EMSY: variants seen among roughly 807,000 people sequenced by gnomAD.
EMSY encodes EMSY transcriptional repressor, BRCA2 interacting.
A neutral mutation model predicts 134.6 loss-of-function variants in EMSY; 26 were observed. The ratio of observed to expected loss-of-function variants is 0.19; its 90% CI spans 0.14 to 0.27. EMSY has a LOEUF of 0.27. Ranked by LOEUF, EMSY falls within the 10% of genes least tolerant of loss-of-function variation. The pLI is 1.00. For missense variants in EMSY, 1,305 were observed against 1,611.4 expected (o/e 0.81, Z 3.26); for synonymous variants, 579 against 577.8 (o/e 1.00, Z -0.03).
chr11:76,470,019 T>C (rs1326737580), intron 7 of EMSY, among the ~76,000 whole-genome samples: 1 of 152,216 alleles, frequency 6.6e-6, no homozygotes, highest in African/African-American at 2.4e-5. Context: ...CAAGTACTTA[T>C]ATCTTGTAAT....
chr11:76,453,500 C>G, intron 4 of EMSY, 112 bp downstream of exon 4: 3 of 918,238 alleles, frequency 3.3e-6, no homozygotes, highest in Non-Finnish European at 4.9e-6. Context: ...AACAATATCT[C>G]TATACTCAGG....
chr11:76,490,136 C>T (rs1326227292), intron 8 of EMSY, among the ~76,000 whole-genome samples: 1 of 151,040 alleles, frequency 6.6e-6, no homozygotes, highest in Non-Finnish European at 1.5e-5. Flanking sequence ...GTTCCTTGTT[C>T]CTTTTGGTCT....
At chr11:76,537,770 CT>C (rs1178057048) in intron 15 of EMSY, 24 bp from the exon 17 acceptor site, 1 of 1,574,318 alleles carries the variant, frequency 6.4e-7, no homozygotes. Flanking sequence ...TAAAAGTTAA[CT>C]TTTCCCCTGA....
downstream of EMSY, chr11:76,551,808 A>T (rs1384661276): frequency 6.6e-6 from 1 of 152,236 alleles, no homozygotes; most frequent in Non-Finnish European, 1.5e-5. Flanking sequence ...GACTTTGCAT[A>T]CAATTTTAGG....
At position 76,451,967 on chromosome 11, in the gene EMSY, T is replaced by G. The variant is rs976156510; in HGVS notation, c.170+10T>G. On this transcript the variant is annotated intron_variant, in intron 3 of 20. Coordinates refer to ENST00000334736, the Ensembl canonical transcript of EMSY. ...TATCAAAAGTTCTTAGGTAAATTAT[T>G]GTAAATGTTTGTGAGACTCTAGAAA... 13 of 1,499,158 alleles carry G rather than the reference T, an allele frequency of 8.7e-6. No individual in the cohort carries two copies. The highest frequency in any genetic ancestry group is 6.5e-5 in the South Asian group (5 of 77,394). The allele number at this position is 1,499,158 out of a possible 1,614,324, so 92.9% of individuals were successfully genotyped here.
At chr11:76,467,321 C>T (rs1270263248) in intron 7 of EMSY, among the ~76,000 whole-genome samples, 2 of 152,166 alleles carry the variant, frequency 1.3e-5, no homozygotes, top group East Asian at 1.9e-4. Flanking sequence ...CTTCTCTCTT[C>T]CCTGCTTCTT....
intron 8 of EMSY, among the ~76,000 whole-genome samples, chr11:76,488,843 TG>T (rs886473324): frequency 6.6e-6 from 1 of 152,166 alleles, no homozygotes; most frequent in Non-Finnish European, 1.5e-5. Context: ...CTGGGCAAGT[TG>T]AGTACATTTC....
At chr11:76,466,268 TC>T (rs1948349620) in intron 7 of EMSY, among the ~76,000 whole-genome samples, 1 of 152,186 alleles carries the variant, frequency 6.6e-6, no homozygotes. Flanking sequence ...TGCATGTTTA[TC>T]CCCACTTCAG....
At chr11:76,493,965 C>CA (rs1429503357) in intron 8 of EMSY, among the ~76,000 whole-genome samples, 1 of 152,248 alleles carries the variant, frequency 6.6e-6, no homozygotes, top group Non-Finnish European at 1.5e-5. Flanking sequence ...TGGGCTCTGA[C>CA]ACCCTCTTTG....
At chr11:76,515,561 TC>T (rs1361403059) in intron 10 of EMSY, among the ~76,000 whole-genome samples, 1 of 152,174 alleles carries the variant, frequency 6.6e-6, no homozygotes, top group African/African-American at 2.4e-5. Flanking sequence ...AGAGAAATAT[TC>T]CTGGCAACTC....
chr11:76,550,402 T>G lies in EMSY; in HGVS notation c.*256T>G, dbSNP rs562578752. Reference sequence around the variant, plus strand: ...ATTTACAGTGACTTAAGACCTGGTCTTCTTTCTCTGTTGGATCATGGCCGG... The same window carrying G: ...ATTTACAGTGACTTAAGACCTGGTCGTCTTTCTCTGTTGGATCATGGCCGG... On this transcript the variant is annotated 3_prime_UTR_variant, in exon 21 of 21. Transcript: ENST00000334736. 15 of 283,470 alleles carry G rather than the reference T, an allele frequency of 5.3e-5. No homozygotes were observed. In the East Asian group the frequency reaches 6.1e-4, roughly 11 times the overall value. 17.6% of individuals were successfully genotyped at this position (283,470 alleles called of 1,614,324 possible).
At chr11:76,509,536 A>G (rs774215269) in intron 9 of EMSY, among the ~76,000 whole-genome samples, 9 of 152,210 alleles carry the variant, frequency 5.9e-5, no homozygotes, top group Non-Finnish European at 1.3e-4. Flanking sequence ...AAAAAAACAC[A>G]CTAGTACTGA....
At chr11:76,500,344 G>A (rs963941436) in intron 9 of EMSY, among the ~76,000 whole-genome samples, 4 of 152,108 alleles carry the variant, frequency 2.6e-5, no homozygotes, top group African/African-American at 9.7e-5. Context: ...CTTCCCAAAG[G>A]AACTAACTCC....
chr11:76,445,347 C>T (rs897029887), intron 1 of EMSY, among the ~76,000 whole-genome samples: 5 of 152,066 alleles, frequency 3.3e-5, no homozygotes, highest in African/African-American at 1.2e-4. Flanking sequence ...CCCGGTGAGT[C>T]CAGGTCGTCT....
intron 4 of EMSY, among the ~76,000 whole-genome samples, chr11:76,454,284 C>T (rs760546628): frequency 3.3e-5 from 5 of 152,078 alleles, no homozygotes; most frequent in Non-Finnish European, 7.4e-5. Flanking sequence ...CCTCATTTTA[C>T]TTAACATAAA....
chr11:76,481,063 A>C (rs1239540816), intron 8 of EMSY, among the ~76,000 whole-genome samples: 1 of 152,054 alleles, frequency 6.6e-6, no homozygotes, highest in East Asian at 1.9e-4. Flanking sequence ...TTTGTTTTTG[A>C]GACAGAGTCT....
At chr11:76,493,385 G>A (rs922047267) in intron 8 of EMSY, among the ~76,000 whole-genome samples, 3 of 152,164 alleles carry the variant, frequency 2.0e-5, no homozygotes, top group East Asian at 3.9e-4. Flanking sequence ...AGACAGGCTC[G>A]TGAGTGCAAA....
At chr11:76,486,026 G>A (rs960537955) in intron 8 of EMSY, among the ~76,000 whole-genome samples, 1 of 152,172 alleles carries the variant, frequency 6.6e-6, no homozygotes, top group Non-Finnish European at 1.5e-5. Flanking sequence ...GGTAGACTGG[G>A]TAAAGAAAGT....
At chr11:76,537,901 A>G (rs1182805598) in exon 16 of EMSY, 1 of 1,613,918 alleles carries the variant, frequency 6.2e-7, no homozygotes, top group Admixed American at 1.7e-5. Context: ...CTGAGAGTCC[A>G]TCAATTGCTG....
Sources: allele counts gnomAD v4.1 joint callset (sites outside exome capture counted in the v4.1 genomes callset), GRCh38; gene constraint gnomAD v4.1.1; transcripts MANE v1.5; gene names NCBI Gene and HGNC (gene_info 2026-07-23, HGNC 2026-07-21).